Variants in PLXDC2 observed in about 807,000 individuals in gnomAD.
PLXDC2 encodes plexin domain-containing protein 2.
In PLXDC2, 40 loss-of-function variants were observed where a neutral mutation model predicts 68.9. The observed-to-expected ratio is 0.58, with a 90% CI of 0.45 to 0.76. PLXDC2 has a LOEUF of 0.76. Among genes scored for constraint, PLXDC2 ranks in the 30% least tolerant of loss-of-function variants. PLXDC2 has a pLI of 0.00. For missense variants in PLXDC2, 644 were observed against 661.9 expected, an observed-to-expected ratio of 0.97 and a Z score of 0.30; for synonymous variants, 243 against 234.2, an observed-to-expected ratio of 1.04 and a Z score of -0.34.
intron 2 of PLXDC2, among the ~76,000 whole-genome samples, chr10:20,029,810 TC>T (rs1233297886): frequency 6.6e-6 from 1 of 152,184 alleles, no homozygotes; most frequent in African/African-American, 2.4e-5. Flanking sequence ...TGCTTTTTCT[TC>T]TTGCTTCTTT....
At chr10:20,217,397 T>C (rs12783379) in intron 10 of PLXDC2, 29 bp from the exon 11 acceptor site, 862,201 of 1,585,040 alleles carry the variant, frequency 0.54, 241,958 homozygotes, top group Middle Eastern at 0.65. Flanking sequence ...GATCACTCCA[T>C]TTGTTTTCCT....
At chr10:19,950,218 AAACT>A (rs1833969397) in intron 1 of PLXDC2, among the ~76,000 whole-genome samples, 1 of 152,214 alleles carries the variant, frequency 6.6e-6, no homozygotes, top group Non-Finnish European at 1.5e-5. Context: ...AAAAGAAGTC[AAACT>A]ATTTTTCTTC....
chr10:20,193,194 T>G (rs1834791959), intron 9 of PLXDC2, among the ~76,000 whole-genome samples: 1 of 152,110 alleles, frequency 6.6e-6, no homozygotes, highest in Non-Finnish European at 1.5e-5. Context: ...CATAATGGAA[T>G]TCTTGTGACA....
chr10:19,925,824 C>T (rs554752946), intron 1 of PLXDC2, among the ~76,000 whole-genome samples: 2 of 152,246 alleles, frequency 1.3e-5, no homozygotes, highest in East Asian at 3.9e-4. Context: ...TAGCATTCAC[C>T]GAGTTGAGGT....
At chr10:20,123,427 A>C (rs1445602588) in intron 4 of PLXDC2, among the ~76,000 whole-genome samples, 3 of 152,192 alleles carry the variant, frequency 2.0e-5, no homozygotes, top group South Asian at 4.1e-4. Context: ...CCATTTTACA[A>C]CAAGAATTAT....
chr10:19,958,816 T>G (rs552312135), intron 1 of PLXDC2, among the ~76,000 whole-genome samples: 2 of 107,790 alleles, frequency 1.9e-5, no homozygotes, highest in African/African-American at 1.0e-4. Context: ...GTATGTAAGT[T>G]TTTGTTTTGT....
intron 1 of PLXDC2, among the ~76,000 whole-genome samples, chr10:19,818,807 T>C (rs1220319469): frequency 6.6e-6 from 1 of 152,184 alleles, no homozygotes. Context: ...CATGTACTTA[T>C]TCACGGTATG....
chr10:19,972,461 G>T (rs1834371311), intron 1 of PLXDC2, among the ~76,000 whole-genome samples: 1 of 152,202 alleles, frequency 6.6e-6, no homozygotes, highest in South Asian at 2.1e-4. Context: ...AGGGTGGGAG[G>T]AGAATGAAGA....
At position 20,194,760 on chromosome 10, in the gene PLXDC2, A is replaced by G. The variant is rs558456464; in HGVS notation, c.1062-16909A>G. Among the ~76,000 whole-genome samples, 98 of 148,404 alleles carry G rather than the reference A, an allele frequency of 6.6e-4. 1 individual carries two copies. Among genetic ancestry groups the G allele is most frequent in the Non-Finnish European group, 1.3e-3 (88 of 66,998 alleles). On this transcript the variant is annotated intron_variant, in intron 9 of 13. Coordinates refer to ENST00000377252, the MANE Select transcript of PLXDC2 (RefSeq NM_032812.9). The stretch of plus-strand genomic sequence containing the variant: ...ATTTAACTCGTCATTTACATTAGGT[A>G]TATCTCCTAATGCTATCCCTCCCCC...
chr10:19,886,183 G>A (rs1367341309), intron 1 of PLXDC2, among the ~76,000 whole-genome samples: 1 of 152,092 alleles, frequency 6.6e-6, no homozygotes, highest in Non-Finnish European at 1.5e-5. Flanking sequence ...AGGAATGCTT[G>A]TGATTTTTGT....
intron 1 of PLXDC2, among the ~76,000 whole-genome samples, chr10:19,905,897 T>G (rs1370712241): frequency 6.6e-6 from 1 of 152,182 alleles, no homozygotes; most frequent in Non-Finnish European, 1.5e-5. Context: ...AATAACCATT[T>G]ATTGAGGCTA....
intron 13 of PLXDC2, among the ~76,000 whole-genome samples, chr10:20,253,998 T>G (rs1423468595): frequency 2.0e-5 from 3 of 152,142 alleles, no homozygotes; most frequent in African/African-American, 4.8e-5. Flanking sequence ...AAGTCCAAGG[T>G]AGAAATACTC....
intron 2 of PLXDC2, among the ~76,000 whole-genome samples, chr10:20,013,100 C>T (rs1410036269): frequency 3.3e-5 from 5 of 152,156 alleles, no homozygotes; most frequent in African/African-American, 9.6e-5. Context: ...GCTTAAAGAA[C>T]AAAGCTATAT....
chr10:19,920,768 G>A (rs1017559992), intron 1 of PLXDC2, among the ~76,000 whole-genome samples: 1 of 152,082 alleles, frequency 6.6e-6, no homozygotes, highest in African/African-American at 2.4e-5. Flanking sequence ...TTGTTGCCCA[G>A]GCTGTTTTTG....
chr10:20,255,455 G>T (rs932724765), intron 13 of PLXDC2, among the ~76,000 whole-genome samples: 6 of 152,058 alleles, frequency 3.9e-5, no homozygotes, highest in African/African-American at 1.2e-4. Flanking sequence ...TTGGTTAATT[G>T]TTCTGCGTTA....
intron 12 of PLXDC2, among the ~76,000 whole-genome samples, chr10:20,238,153 T>A (rs1835458620): frequency 1.3e-5 from 2 of 149,870 alleles, no homozygotes; most frequent in South Asian, 2.1e-4. Flanking sequence ...TAAATAAATA[T>A]ATATATGTAT....
At chr10:20,081,730 A>C (rs1836562164) in intron 4 of PLXDC2, among the ~76,000 whole-genome samples, 1 of 152,146 alleles carries the variant, frequency 6.6e-6, no homozygotes, top group South Asian at 2.1e-4. Context: ...TCAACTGTCC[A>C]GGTCATTAAA....
At chr10:20,166,929 G>A (rs1834383702) in intron 7 of PLXDC2, among the ~76,000 whole-genome samples, 1 of 152,074 alleles carries the variant, frequency 6.6e-6, no homozygotes, top group South Asian at 2.1e-4. Flanking sequence ...ACATTTATAT[G>A]AATTTTCAGA....
At chr10:19,895,764 C>T (rs1457203874) in intron 1 of PLXDC2, among the ~76,000 whole-genome samples, 1 of 152,032 alleles carries the variant, frequency 6.6e-6, no homozygotes, top group African/African-American at 2.4e-5. Context: ...CTTGAAAAAT[C>T]ATGCTAAGGG....
Sources: gnomAD v4.1 joint callset for allele counts (sites outside exome capture counted in the v4.1 genomes callset) on GRCh38, gnomAD v4.1.1 for gene constraint, MANE v1.5 for transcripts, NCBI Gene and HGNC (gene_info 2026-07-23, HGNC 2026-07-21) for gene names.